Variants in KCNK2 observed in about 807,000 individuals in gnomAD.
KCNK2 encodes the protein potassium two pore domain channel subfamily K member 2.
Under a neutral mutation model 40.5 loss-of-function variants are expected in KCNK2, and 21 were observed. That is an observed-to-expected ratio of 0.52 (90% CI 0.37 to 0.75). The LOEUF is 0.75. Among genes scored for constraint, KCNK2 ranks in the 30% least tolerant of loss-of-function variants. The pLI is 0.00. For missense variants in KCNK2, 399 were observed against 531.6 expected (o/e 0.75, Z 2.45); for synonymous variants, 191 against 202.2 (o/e 0.94, Z 0.47).
chr1:215,182,226 C>G (rs1036176643), intron 5 of KCNK2, among the ~76,000 whole-genome samples: 7 of 152,148 alleles, frequency 4.6e-5, no homozygotes, highest in African/African-American at 1.4e-4. Context: ...AGAGAGGGCC[C>G]CACTGCACCA....
At chr1:215,221,003 A>C in intron 6 of KCNK2, among the ~76,000 whole-genome samples, 1 of 152,224 alleles carries the variant, frequency 6.6e-6, no homozygotes, top group East Asian at 1.9e-4. Context: ...TTACCCTTGA[A>C]CAATGCAGGA....
chr1:215,176,281 C>T (rs945930789), intron 5 of KCNK2, among the ~76,000 whole-genome samples: 1 of 151,978 alleles, frequency 6.6e-6, no homozygotes, highest in African/African-American at 2.4e-5. Context: ...TTGTTAGAAA[C>T]TTGTGTGTCT....
chr1:215,212,799 T>C (rs1311432202), intron 6 of KCNK2, among the ~76,000 whole-genome samples: 1 of 152,206 alleles, frequency 6.6e-6, no homozygotes, highest in Non-Finnish European at 1.5e-5. Context: ...TGTTCTTTAT[T>C]AGAGATGATG....
intron 1 of KCNK2, among the ~76,000 whole-genome samples, chr1:215,070,378 T>G (rs1197478932): frequency 7.6e-6 from 1 of 131,096 alleles, no homozygotes; most frequent in Non-Finnish European, 1.5e-5. Context: ...ATTGCACCAC[T>G]GCACTCCAGC....
In KCNK2 at chr1:215,005,907, T is replaced by G. The variant is rs756693706; in HGVS notation, c.-15T>G. The G allele has an allele frequency of 1.9e-6, 3 of 1,612,848 alleles. No individual in the cohort carries two copies. The South Asian group carries it at 3.3e-5, about 18-fold the overall frequency. On this transcript the variant is annotated 5_prime_UTR_variant, in exon 1 of 7. Transcript: ENST00000391895. ...AGATCAAAAGCATGATGACTCCTGATGAAAACATCACCAAATGATGAACCC... is the reference window on the plus strand; with the variant it reads ...AGATCAAAAGCATGATGACTCCTGAGGAAAACATCACCAAATGATGAACCC...
intron 2 of KCNK2, among the ~76,000 whole-genome samples, chr1:215,094,144 T>A (rs190303272): frequency 2.5e-4 from 37 of 150,848 alleles, no homozygotes; most frequent in African/African-American, 8.8e-4. Flanking sequence ...AGTACAATTA[T>A]TTTTTATTTA....
intron 3 of KCNK2, among the ~76,000 whole-genome samples, chr1:215,150,507 G>C (rs1462438587): frequency 6.6e-6 from 1 of 151,958 alleles, no homozygotes; most frequent in Non-Finnish European, 1.5e-5. Context: ...ACCTTATTCT[G>C]TTCTTTTCTG....
At chr1:215,144,915 GTTTGGC>G (rs1326712379) in intron 3 of KCNK2, among the ~76,000 whole-genome samples, 2 of 152,174 alleles carry the variant, frequency 1.3e-5, no homozygotes, top group Non-Finnish European at 1.5e-5. Flanking sequence ...GCTAATGTCT[GTTTGGC>G]TAGGAGAATG....
chr1:215,130,465 T>C (rs1486929573), intron 3 of KCNK2, among the ~76,000 whole-genome samples: 1 of 152,122 alleles, frequency 6.6e-6, no homozygotes, highest in African/African-American at 2.4e-5. Flanking sequence ...AGTTAACCAA[T>C]CTGAGGAGAG....
chr1:215,054,372 T>C (rs1658085244), intron 1 of KCNK2, among the ~76,000 whole-genome samples: 1 of 152,214 alleles, frequency 6.6e-6, no homozygotes, highest in African/African-American at 2.4e-5. Flanking sequence ...GGAAAACTGG[T>C]GAGAGTTTTT....
intron 1 of KCNK2, among the ~76,000 whole-genome samples, chr1:215,085,008 G>A (rs960289905): frequency 6.6e-6 from 1 of 152,104 alleles, no homozygotes; most frequent in Admixed American, 6.5e-5. Context: ...TAAAACTATG[G>A]TAGCCTACAA....
chr1:215,165,561 AATT>A (rs1663405097), intron 3 of KCNK2, among the ~76,000 whole-genome samples: 1 of 152,182 alleles, frequency 6.6e-6, no homozygotes, highest in African/African-American at 2.4e-5. Context: ...TGATTATAAG[AATT>A]ATTATCATAC....
intron 2 of KCNK2, among the ~76,000 whole-genome samples, chr1:215,088,975 T>C (rs1659576724): frequency 6.6e-6 from 1 of 152,204 alleles, no homozygotes; most frequent in Non-Finnish European, 1.5e-5. Context: ...TTGATAATCA[T>C]TTTTTCTTTT....
At position 215,234,819 on chromosome 1, in the gene KCNK2, A is replaced by G. The variant is rs774425336; in HGVS notation, c.964-9A>G. ...ATATCTTTATCTTTTCTCTGCTTGT[A>G]TGTTCCAGGTGGGAGAGTTCAGAGC... is the stretch of plus-strand genomic sequence containing the variant. On this transcript the variant is annotated splice_polypyrimidine_tract_variant and intron_variant, in intron 6 of 6. Coordinates refer to ENST00000444842, the MANE Select transcript of KCNK2 (RefSeq NM_001017425.3). The G allele has an allele frequency of 6.3e-7, 1 of 1,595,328 alleles. No homozygotes were observed. The highest frequency in any genetic ancestry group is 8.6e-7 in the Non-Finnish European group (1 of 1,165,806).
At chr1:215,049,753 GAA>G (rs147991330) in intron 1 of KCNK2, among the ~76,000 whole-genome samples, 2,033 of 152,196 alleles carry the variant, frequency 0.013, 45 homozygotes, top group African/African-American at 0.046. Context: ...ACCATTTGAT[GAA>G]AGTCTTTCCT....
chr1:215,184,954 C>G (rs1357505333), intron 5 of KCNK2, among the ~76,000 whole-genome samples: 1 of 152,016 alleles, frequency 6.6e-6, no homozygotes, highest in East Asian at 1.9e-4. Flanking sequence ...ATTGTATAAA[C>G]CAGCTTAGGA....
chr1:215,017,667 A>G (rs902941415), intron 1 of KCNK2, among the ~76,000 whole-genome samples: 2 of 152,134 alleles, frequency 1.3e-5, no homozygotes, highest in Non-Finnish European at 2.9e-5. Flanking sequence ...TTATTGTACA[A>G]CATGTATAGA....
intron 5 of KCNK2, among the ~76,000 whole-genome samples, chr1:215,191,290 A>C (rs1314656510): frequency 4.6e-5 from 7 of 151,928 alleles, no homozygotes; most frequent in South Asian, 2.1e-4. Flanking sequence ...TCTCAAAAAA[A>C]AAAAAAAATG....
intron 2 of KCNK2, among the ~76,000 whole-genome samples, chr1:215,107,510 T>C (rs1660485448): frequency 6.6e-6 from 1 of 152,134 alleles, no homozygotes; most frequent in Non-Finnish European, 1.5e-5. Flanking sequence ...TGACAATATT[T>C]GTTACTTTCT....
Sources: allele counts gnomAD v4.1 joint callset (sites outside exome capture counted in the v4.1 genomes callset), GRCh38; gene constraint gnomAD v4.1.1; transcripts MANE v1.5; gene names NCBI Gene and HGNC (gene_info 2026-07-23, HGNC 2026-07-21).